Variants in TUSC3 observed in about 807,000 individuals in gnomAD.
TUSC3 encodes the protein tumor suppressor candidate 3, also known as dolichyl-diphosphooligosaccharide--protein glycosyltransferase subunit TUSC3.
Under a neutral mutation model 44.8 loss-of-function variants are expected in TUSC3, and 45 were observed. The observed-to-expected ratio is 1.00, with a 90% CI of 0.79 to 1.29. The LOEUF (loss-of-function observed/expected upper bound fraction) is 1.29, where lower values mean the gene tolerates loss of function less well. Ranked by LOEUF, TUSC3 falls within the 50% of genes most tolerant of loss-of-function variation. The pLI, the probability that TUSC3 is intolerant of heterozygous loss-of-function variation, is 0.00. For missense variants in TUSC3, 519 were observed against 437.9 expected (o/e 1.19, Z -1.65); for synonymous variants, 212 against 152.9 (o/e 1.39, Z -2.85).
intron 6 of TUSC3, among the ~76,000 whole-genome samples, chr8:15,692,535 G>T (rs1019668177): frequency 2.6e-5 from 4 of 151,542 alleles, no homozygotes; most frequent in African/African-American, 9.7e-5. Context: ...CTTATTATTG[G>T]TCAGTTCAGG....
intron 1 of TUSC3, among the ~76,000 whole-genome samples, chr8:15,471,155 A>G (rs981306182): frequency 3.3e-5 from 5 of 152,086 alleles, no homozygotes; most frequent in African/African-American, 9.7e-5. Flanking sequence ...CAGCACTACA[A>G]CCTCTGCTCA....
chr8:15,650,630 T>G (rs1806852267), intron 2 of TUSC3, 67 bp from the exon 3 acceptor site: 3 of 1,410,480 alleles, frequency 2.1e-6, no homozygotes, highest in Non-Finnish European at 3.0e-6. Context: ...GGTTGTCTGT[T>G]TTAATAACTG....
chr8:15,809,092 C>A, the TUSC3 span, among the ~76,000 whole-genome samples: 24 of 152,192 alleles, frequency 1.6e-4, no homozygotes, highest in African/African-American at 4.6e-4. Flanking sequence ...GATGATGGCA[C>A]ACTATCATGC....
chr8:15,507,390 C>G (rs981160568), intron 2 of TUSC3, among the ~76,000 whole-genome samples: 7 of 152,230 alleles, frequency 4.6e-5, no homozygotes, highest in African/African-American at 7.2e-5. Context: ...CATGCCTTAT[C>G]AAAATCCTCT....
intron 1 of TUSC3, among the ~76,000 whole-genome samples, chr8:15,601,218 T>C (rs1469219536): frequency 6.6e-6 from 1 of 151,750 alleles, no homozygotes; most frequent in East Asian, 1.9e-4. Flanking sequence ...TATTTGAATT[T>C]ACTTATTATC....
chr8:15,442,457 C>T (rs1010223480), intron 1 of TUSC3, among the ~76,000 whole-genome samples: 1 of 152,064 alleles, frequency 6.6e-6, no homozygotes. Context: ...TTGTTGCTTT[C>T]TAACAAAACT....
rs1386040810 is a variant in TUSC3, at chr8:15,748,421, T to G, written c.984T>G (p.Phe328Leu). 1 of 1,613,586 alleles carries G rather than the reference T, an allele frequency of 6.2e-7. No homozygotes were observed. Among genetic ancestry groups the G allele is most frequent in the Non-Finnish European group, 8.5e-7 (1 of 1,179,616 alleles). Residue 328 changes from phenylalanine to leucine, a missense_variant, in exon 9 of 11, where the codon TTT (phenylalanine) becomes TTG (leucine). Phe to Leu is a conservative substitution (Grantham distance 22). Transcript: ENST00000503731. ...GLGLVVFFFS[F>L]LLSIFRSKYH... ...GCCTGGTGGTCTTCTTCTTCAGTTTTCTACTTTCAATATTTCGTTCCAAGT... is the reference window on the plus strand; with the variant it reads ...GCCTGGTGGTCTTCTTCTTCAGTTTGCTACTTTCAATATTTCGTTCCAAGT...
At chr8:15,640,846 A>G (rs1263067340) in intron 2 of TUSC3, among the ~76,000 whole-genome samples, 5 of 152,178 alleles carry the variant, frequency 3.3e-5, no homozygotes, top group African/African-American at 1.2e-4. Context: ...CATGAAGGAA[A>G]AGCACAGAGA....
chr8:15,543,526 A>G (rs1047371274), intron 1 of TUSC3, among the ~76,000 whole-genome samples: 1 of 152,174 alleles, frequency 6.6e-6, no homozygotes, highest in African/African-American at 2.4e-5. Context: ...TAAAATATAA[A>G]TATAATACCC....
At chr8:15,669,088 G>A (rs1337643653) in intron 5 of TUSC3, among the ~76,000 whole-genome samples, 1 of 151,806 alleles carries the variant, frequency 6.6e-6, no homozygotes, top group East Asian at 1.9e-4. Flanking sequence ...CTTTGCCAGG[G>A]CCATATCCAG....
chr8:15,783,117 A>G, the TUSC3 span, among the ~76,000 whole-genome samples: 3 of 152,202 alleles, frequency 2.0e-5, no homozygotes, highest in Non-Finnish European at 2.9e-5. Context: ...TAGCATTTAA[A>G]AAGTATAATA....
chr8:15,754,024 C>T (rs1426298015), intron 9 of TUSC3, among the ~76,000 whole-genome samples: 2 of 151,988 alleles, frequency 1.3e-5, no homozygotes, highest in Admixed American at 6.6e-5. Context: ...CATAGCACCA[C>T]GTTGTTAAAG....
At chr8:15,578,786 T>C (rs1020180229) in intron 1 of TUSC3, among the ~76,000 whole-genome samples, 1 of 152,132 alleles carries the variant, frequency 6.6e-6, no homozygotes, top group Non-Finnish European at 1.5e-5. Context: ...CTTTTTTTGT[T>C]GTGTCTCTGC....
chr8:15,620,872 A>G (rs1010686501), intron 1 of TUSC3, among the ~76,000 whole-genome samples: 4 of 152,206 alleles, frequency 2.6e-5, no homozygotes, highest in South Asian at 2.1e-4. Flanking sequence ...TTGACCTTTT[A>G]CAGTTACTTA....
intron 3 of TUSC3, among the ~76,000 whole-genome samples, chr8:15,651,486 T>G (rs1018611873): frequency 6.6e-6 from 1 of 152,082 alleles, no homozygotes; most frequent in Non-Finnish European, 1.5e-5. Flanking sequence ...TTGAAGGAAG[T>G]AATTAAGGTT....
At chr8:15,658,493 A>G (rs770957944) in intron 3 of TUSC3, among the ~76,000 whole-genome samples, 1 of 152,070 alleles carries the variant, frequency 6.6e-6, no homozygotes, top group Non-Finnish European at 1.5e-5. Flanking sequence ...GTATATTTAT[A>G]TATTGATTTT....
chr8:15,424,403 G>A (rs903248614), intron 1 of TUSC3, among the ~76,000 whole-genome samples: 39 of 152,014 alleles, frequency 2.6e-4, no homozygotes, highest in African/African-American at 8.9e-4. Flanking sequence ...ACAAAATCTG[G>A]ACTATGTCTA....
chr8:15,695,172 G>A (rs1170893185), intron 6 of TUSC3, among the ~76,000 whole-genome samples: 1 of 152,158 alleles, frequency 6.6e-6, no homozygotes, highest in African/African-American at 2.4e-5. Flanking sequence ...GATATGGTTT[G>A]GTTGTGTCCC....
intron 2 of TUSC3, among the ~76,000 whole-genome samples, chr8:15,498,736 T>C (rs556117663): frequency 2.6e-5 from 4 of 152,320 alleles, no homozygotes; most frequent in African/African-American, 7.2e-5. Flanking sequence ...GTTTTGTTTG[T>C]TTCCTTTCCT....
Sources: allele counts gnomAD v4.1 joint callset (sites outside exome capture counted in the v4.1 genomes callset), GRCh38; gene constraint gnomAD v4.1.1; transcripts MANE v1.5; gene names NCBI Gene and HGNC (gene_info 2026-07-23, HGNC 2026-07-21).